Variants in MBNL1 observed in about 807,000 individuals in gnomAD.
MBNL1 encodes the protein muscleblind like splicing regulator 1.
MBNL1 carries 8 observed loss-of-function variants against 42.2 expected under a neutral mutation model. That is an observed-to-expected ratio of 0.19 (90% CI 0.11 to 0.34). The LOEUF (loss-of-function observed/expected upper bound fraction) is 0.34, where lower values mean the gene tolerates loss of function less well. Ranked by LOEUF, MBNL1 falls within the 10% of genes least tolerant of loss-of-function variation. The probability of loss-of-function intolerance (pLI) is 1.00; values close to 1 mark genes in which losing one functional copy is unlikely to be tolerated. For missense variants in MBNL1, 309 were observed against 495.3 expected (o/e 0.62, Z 3.57); for synonymous variants, 169 against 173.9 (o/e 0.97, Z 0.22).
intron 2 of MBNL1, among the ~76,000 whole-genome samples, chr3:152,396,621 C>T (rs2097953543): frequency 1.3e-5 from 2 of 152,216 alleles, no homozygotes; most frequent in African/African-American, 4.8e-5. Flanking sequence ...CCTGGTTTCA[C>T]AGCGCACTTC....
In MBNL1 at chr3:152,387,523, C is replaced by T. The variant is rs182941851; in HGVS notation, c.175-27418C>T. 2.4e-3 allele frequency among the ~76,000 whole-genome samples: 364 copies of T among 152,236 alleles called. 1 individual carries two copies. Among genetic ancestry groups the T allele is most frequent in the African/African-American group, 8.3e-3 (347 of 41,570 alleles). ...ACTTCATGTAGTCAAGGACCAAAAT[C>T]TGATTAGTCACTCGTATTAATTATT... On this transcript the variant is annotated intron_variant, in intron 2 of 9. Transcript: ENST00000324210.
intron 1 of MBNL1, among the ~76,000 whole-genome samples, chr3:152,298,805 C>T (rs778541015): frequency 1.4e-4 from 22 of 152,216 alleles, no homozygotes; most frequent in Non-Finnish European, 2.9e-4. Context: ...TTTTTATTCA[C>T]GTGTCAGGAC....
intron 2 of MBNL1, among the ~76,000 whole-genome samples, chr3:152,364,672 G>T (rs1452480025): frequency 6.6e-6 from 1 of 151,874 alleles, no homozygotes; most frequent in Non-Finnish European, 1.5e-5. Flanking sequence ...TCCAAACCCA[G>T]TTTTACTAAC....
intron 2 of MBNL1, among the ~76,000 whole-genome samples, chr3:152,392,581 G>A (rs995322203): frequency 6.6e-6 from 1 of 152,196 alleles, no homozygotes; most frequent in Non-Finnish European, 1.5e-5. Flanking sequence ...AAGCCTTGAT[G>A]TTGAGATTTT....
At chr3:152,326,483 A>G (rs536177173) in intron 2 of MBNL1, among the ~76,000 whole-genome samples, 2 of 152,168 alleles carry the variant, frequency 1.3e-5, no homozygotes, top group African/African-American at 4.8e-5. Flanking sequence ...CAATGATTTC[A>G]CCTCATTGTT....
intron 3 of MBNL1, among the ~76,000 whole-genome samples, chr3:152,427,998 T>C (rs2098957410): frequency 6.6e-6 from 1 of 151,884 alleles, no homozygotes; most frequent in Admixed American, 6.6e-5. Context: ...CCCTGTGATA[T>C]TTGCAACATT....
intron 2 of MBNL1, among the ~76,000 whole-genome samples, chr3:152,377,210 A>G (rs1242473262): frequency 2.0e-5 from 3 of 152,184 alleles, no homozygotes; most frequent in Non-Finnish European, 4.4e-5. Flanking sequence ...ATTTAATAGA[A>G]TTATGCTTAG....
chr3:152,382,269 G>A (rs894390065), intron 2 of MBNL1, among the ~76,000 whole-genome samples: 2 of 151,926 alleles, frequency 1.3e-5, no homozygotes, highest in Non-Finnish European at 2.9e-5. Context: ...ATTTATTAAA[G>A]CAAAGAAAAT....
chr3:152,383,861 T>C (rs1221767689), intron 2 of MBNL1, among the ~76,000 whole-genome samples: 1 of 152,086 alleles, frequency 6.6e-6, no homozygotes, highest in Non-Finnish European at 1.5e-5. Flanking sequence ...TCATCTTCCC[T>C]CACCTCAAAT....
At chr3:152,398,735 C>T (rs2098092461) in intron 2 of MBNL1, among the ~76,000 whole-genome samples, 1 of 152,188 alleles carries the variant, frequency 6.6e-6, no homozygotes, top group Non-Finnish European at 1.5e-5. Flanking sequence ...CTTTCCACCC[C>T]ATTCAGTGGC....
At chr3:152,255,738 G>C (rs1020909889) in intron 2 of MBNL1, among the ~76,000 whole-genome samples, 1 of 152,162 alleles carries the variant, frequency 6.6e-6, no homozygotes, top group Non-Finnish European at 1.5e-5. Context: ...AAAGGATAAA[G>C]AGAAGATGGG....
At chr3:152,399,717 A>G (rs990849134) in intron 2 of MBNL1, among the ~76,000 whole-genome samples, 3 of 152,092 alleles carry the variant, frequency 2.0e-5, no homozygotes, top group Admixed American at 6.6e-5. Context: ...AGCCTAGGCT[A>G]GTCTCAAGCT....
chr3:152,400,975 G>A (rs1469657932), intron 2 of MBNL1, among the ~76,000 whole-genome samples: 1 of 152,120 alleles, frequency 6.6e-6, no homozygotes, highest in African/African-American at 2.4e-5. Context: ...AGAATCATCT[G>A]GGGAGCCTTT....
chr3:152,451,589 G>A (rs1351619419), intron 6 of MBNL1, among the ~76,000 whole-genome samples: 1 of 152,118 alleles, frequency 6.6e-6, no homozygotes, highest in Non-Finnish European at 1.5e-5. Flanking sequence ...CAAACTGATA[G>A]CTCAAGGGTA....
chr3:152,409,565 C>T (rs7642123), intron 2 of MBNL1, among the ~76,000 whole-genome samples: 19,691 of 151,970 alleles, frequency 0.13, 1,552 homozygotes, highest in African/African-American at 0.22. Flanking sequence ...AGAAAGTGCT[C>T]CAAAAACATT....
At chr3:152,345,647 C>T (rs540863723) in intron 2 of MBNL1, among the ~76,000 whole-genome samples, 2 of 152,160 alleles carry the variant, frequency 1.3e-5, no homozygotes, top group South Asian at 4.1e-4. Context: ...ATTGATAATA[C>T]ATTAGACATA....
intron 2 of MBNL1, among the ~76,000 whole-genome samples, chr3:152,327,858 TA>T (rs1008522594): frequency 6.6e-6 from 1 of 151,970 alleles, no homozygotes; most frequent in African/African-American, 2.4e-5. Flanking sequence ...TCTTAGTGTC[TA>T]AAATAGTGGC....
intron 5 of MBNL1, chr3:152,446,862 G>A: frequency 1.1e-6 from 1 of 951,824 alleles, no homozygotes; most frequent in South Asian, 1.8e-5. Flanking sequence ...CTGTTATAGA[G>A]TTGTAAAGTA....
intron 2 of MBNL1, among the ~76,000 whole-genome samples, chr3:152,388,640 G>A (rs1300535558): frequency 1.3e-5 from 2 of 152,168 alleles, no homozygotes; most frequent in Non-Finnish European, 2.9e-5. Context: ...ACTAGGTACT[G>A]TATGGGAAAA....
Sources: gnomAD v4.1 joint callset for allele counts (sites outside exome capture counted in the v4.1 genomes callset) on GRCh38, gnomAD v4.1.1 for gene constraint, MANE v1.5 for transcripts, NCBI Gene and HGNC (gene_info 2026-07-23, HGNC 2026-07-21) for gene names.